Variants in NPSR1 observed in about 807,000 individuals in gnomAD.
NPSR1 encodes the protein neuropeptide S receptor 1, also known as neuropeptide S receptor.
In NPSR1, 48 loss-of-function variants were observed where a neutral mutation model predicts 46.9. That is an observed-to-expected ratio of 1.02 (90% confidence interval 0.81 to 1.30). The LOEUF is 1.30. Among genes scored for constraint, NPSR1 ranks in the 50% most tolerant of loss-of-function variants. The pLI is 0.00. For synonymous variants in NPSR1, 176 were observed against 168.1 expected, an observed-to-expected ratio of 1.05 and a Z score of -0.36; for missense variants, 450 against 449.5, an observed-to-expected ratio of 1.00 and a Z score of -0.01.
At chr7:34,733,839 C>T (rs1254618331) in intron 2 of NPSR1, among the ~76,000 whole-genome samples, 2 of 152,148 alleles carry the variant, frequency 1.3e-5, no homozygotes, top group Admixed American at 1.3e-4. Flanking sequence ...AATGGAGTTT[C>T]ACAACTGTCT....
At chr7:34,751,610 G>C (rs1785533239) in intron 2 of NPSR1, 18 of 1,602,254 alleles carry the variant, frequency 1.1e-5, no homozygotes, top group Non-Finnish European at 1.5e-5. Flanking sequence ...CGCTGACAGA[G>C]CTCTCCACTC....
intron 1 of NPSR1, among the ~76,000 whole-genome samples, chr7:34,669,981 A>G (rs758227075): frequency 6.6e-6 from 1 of 152,222 alleles, no homozygotes; most frequent in Non-Finnish European, 1.5e-5. Flanking sequence ...AATATATAGA[A>G]TACATGGAAG....
intron 3 of NPSR1, among the ~76,000 whole-genome samples, chr7:34,807,176 T>A (rs1788739537): frequency 6.6e-6 from 1 of 152,212 alleles, no homozygotes; most frequent in South Asian, 2.1e-4. Context: ...AAAAAACATG[T>A]TACTAATTTC....
intron 8 of NPSR1, among the ~76,000 whole-genome samples, chr7:34,866,163 C>A (rs1450396894): frequency 6.6e-6 from 1 of 151,846 alleles, no homozygotes; most frequent in Non-Finnish European, 1.5e-5. Flanking sequence ...CGGCCTCCAC[C>A]TCCCAACCAA....
chr7:34,823,417 C>CAAACAAAAAAAAAAAAA (rs79081202), intron 4 of NPSR1, among the ~76,000 whole-genome samples: 1 of 103,958 alleles, frequency 9.6e-6, no homozygotes, highest in Admixed American at 9.7e-5. Context: ...AAAAAAAAAA[C>CAAACAAAAAAAAAAAAA]AACACCATAA....
At chr7:34,848,969 T>C (rs1465863474) in intron 8 of NPSR1, among the ~76,000 whole-genome samples, 1 of 152,282 alleles carries the variant, frequency 6.6e-6, no homozygotes, top group Non-Finnish European at 1.5e-5. Context: ...TACAATTCTA[T>C]GACAATAATA....
At chr7:34,821,537 A>G (rs565494605) in intron 4 of NPSR1, among the ~76,000 whole-genome samples, 43 of 152,216 alleles carry the variant, frequency 2.8e-4, no homozygotes, top group Non-Finnish European at 5.3e-4. Flanking sequence ...GTGAAGAAAT[A>G]TAAGTGAAGG....
chr7:34,703,259 T>C (rs1470102091), intron 2 of NPSR1, among the ~76,000 whole-genome samples: 1 of 152,160 alleles, frequency 6.6e-6, no homozygotes, highest in East Asian at 1.9e-4. Context: ...TAGTCCCAGC[T>C]ACTCCAGAGG....
intron 2 of NPSR1, among the ~76,000 whole-genome samples, chr7:34,728,302 G>A (rs185052630): frequency 8.5e-4 from 130 of 152,270 alleles, no homozygotes; most frequent in South Asian, 2.1e-3. Flanking sequence ...AGACCCTGTC[G>A]CTGGAACAGG....
chr7:34,834,370 G>A lies in NPSR1; in HGVS notation c.681-14G>A, dbSNP rs1790268895. 1 of 1,607,986 alleles carries A rather than the reference G, an allele frequency of 6.2e-7. No homozygotes were observed. On this transcript the variant is annotated splice_polypyrimidine_tract_variant and intron_variant, in intron 5 of 8. Transcript: ENST00000360581. ...CACCAGTCACTTTAATACTACCTTT[G>A]GTTCTTTCTGCAGCATCATGTATGG...
chr7:34,766,025 CT>C (rs758647708), intron 2 of NPSR1, among the ~76,000 whole-genome samples: 7 of 151,896 alleles, frequency 4.6e-5, no homozygotes, highest in African/African-American at 1.2e-4. Context: ...CATGTACCCC[CT>C]GAATCTAAAT....
chr7:34,769,712 G>A (rs2089443270), intron 2 of NPSR1, among the ~76,000 whole-genome samples: 5 of 152,050 alleles, frequency 3.3e-5, no homozygotes, highest in African/African-American at 1.2e-4. Flanking sequence ...CTTCTTCCTT[G>A]TCCACCCGCT....
chr7:34,834,470 T>C lies in NPSR1; in HGVS notation c.757+10T>C, dbSNP rs375101122. ...ATTTCCAACTGCTCAGGTAAGTCTC[T>C]ACTCTGCATGGCCCAATTCTTGGCT... On this transcript the variant is annotated intron_variant, in intron 6 of 8. Transcript: ENST00000360581. 3 of 1,591,116 alleles carry C rather than the reference T, an allele frequency of 1.9e-6. No individual in the cohort carries two copies. Among genetic ancestry groups the C allele is most frequent in the Non-Finnish European group, 2.6e-6 (3 of 1,159,402 alleles).
At chr7:34,735,237 C>T (rs760221658) in intron 2 of NPSR1, among the ~76,000 whole-genome samples, 2 of 152,216 alleles carry the variant, frequency 1.3e-5, no homozygotes, top group Admixed American at 6.5e-5. Flanking sequence ...TGGCCCTCAT[C>T]AGGGTCATGC....
intron 4 of NPSR1, 103 bp from the exon 5 acceptor site, chr7:34,827,298 C>A (rs1789901324): frequency 3.4e-6 from 3 of 891,950 alleles, no homozygotes; most frequent in Non-Finnish European, 3.6e-6. Context: ...TCTTTGAGGT[C>A]CAGGGTGGCT....
chr7:34,756,646 G>A (rs1325973330), intron 2 of NPSR1, among the ~76,000 whole-genome samples: 1 of 152,140 alleles, frequency 6.6e-6, no homozygotes, highest in Non-Finnish European at 1.5e-5. Flanking sequence ...TCATGTGCCT[G>A]GGCATATATT....
chr7:34,774,709 C>T (rs114296258), intron 2 of NPSR1, among the ~76,000 whole-genome samples: 1,547 of 152,266 alleles, frequency 0.01, 27 homozygotes, highest in African/African-American at 0.035. Context: ...ACATTCAGCA[C>T]CATGGGGTCC....
rs112039936 is a variant in NPSR1 at position 34,689,955 on chromosome 7, T to TAA, written c.280+5283_280+5284dup. ...GTGGGACCCTGTCTCTAAAAAAAAT[T>TAA]AAAAAAAAAAAAAGGAAAAGAAAAG... On this transcript the variant is annotated intron_variant, in intron 2 of 8. Transcript: ENST00000360581. Among the ~76,000 whole-genome samples, 687 of 136,718 alleles carry TAA rather than the reference T, an allele frequency of 5.0e-3. 3 individuals are homozygous for TAA. The highest frequency in any genetic ancestry group is 0.018 in the African/African-American group (662 of 37,296). 89.7% of individuals were successfully genotyped at this position (136,718 alleles called of 152,430 possible). A position where few individuals can be genotyped will look rare whatever the true frequency, so the allele number is the denominator to read the frequency against.
chr7:34,678,542 A>G (rs1020873822), intron 1 of NPSR1, among the ~76,000 whole-genome samples: 25 of 152,274 alleles, frequency 1.6e-4, no homozygotes, highest in African/African-American at 6.0e-4. Flanking sequence ...AAAGGGACAC[A>G]GTGGCCGGGC....
Sources: allele counts gnomAD v4.1 joint callset (sites outside exome capture counted in the v4.1 genomes callset), GRCh38; gene constraint gnomAD v4.1.1; transcripts MANE v1.5; gene names NCBI Gene and HGNC (gene_info 2026-07-23, HGNC 2026-07-21).